DLG2: variants seen among roughly 807,000 people sequenced by gnomAD.
DLG2 encodes the protein disks large homolog 2.
DLG2 carries 45 observed loss-of-function variants against 132.5 expected under a neutral mutation model. That is an observed-to-expected ratio of 0.34 (90% CI 0.27 to 0.44). The LOEUF (loss-of-function observed/expected upper bound fraction) is 0.44. DLG2 is among the 20% of genes least tolerant of loss of function. DLG2 has a pLI of 1.00. For synonymous variants in DLG2, 424 were observed against 419.6 expected (o/e 1.01, Z -0.13); for missense variants, 1,045 against 1,196.9 (o/e 0.87, Z 1.87).
chr11:84,172,449 C>A (rs939120253), intron 8 of DLG2, among the ~76,000 whole-genome samples: 8 of 152,012 alleles, frequency 5.3e-5, no homozygotes, highest in African/African-American at 1.4e-4. Context: ...AACTTCCGAG[C>A]TCAGCGAATG....
At chr11:85,189,921 G>A (rs1162788478) in intron 4 of DLG2, among the ~76,000 whole-genome samples, 1 of 152,004 alleles carries the variant, frequency 6.6e-6, no homozygotes, top group East Asian at 1.9e-4. Context: ...TCAGCTTCCT[G>A]AGTAGCTAGG....
Position 85,138,504 on chromosome 11 carries a change from T to C in DLG2, c.282+16052A>G, listed in dbSNP as rs533554868. On this transcript the variant is annotated intron_variant, in intron 5 of 27. Transcript: ENST00000376104. ...GTCAATATAAATAACCTCAGCAGTA[T>C]TGCTAAATGCCATTCCCATACTCCA... is the stretch of plus-strand genomic sequence containing the variant. Among the ~76,000 whole-genome samples, 5 of 152,306 alleles carry C rather than the reference T, an allele frequency of 3.3e-5. No homozygotes were observed. The South Asian group carries it at 1.0e-3, about 32-fold the overall frequency.
Position 83,462,009 on chromosome 11 carries a change from A to G in DLG2, c.2814T>C (p.Tyr938=). Residue 938 remains tyrosine (Y), a synonymous_variant, in exon 27 of 28, where the codon TAT becomes TAC. Transcript: ENST00000376104. The part of the protein sequence containing the change: ...AIKLEQEFGE[Y]FTAIVQGDTL... ...GGGTAAAAGTGAACTTACCTGTAAAATATTCTCCAAATTCTTGTTCTAGCT... is the reference window on the plus strand; with the variant it reads ...GGGTAAAAGTGAACTTACCTGTAAAGTATTCTCCAAATTCTTGTTCTAGCT... 6.2e-7 allele frequency: 1 copy of G among 1,607,030 alleles called. No individual in the cohort carries two copies. The highest frequency in any genetic ancestry group is 2.2e-5 in the East Asian group (1 of 44,854).
At chr11:85,094,528 T>C (rs910518874) in intron 6 of DLG2, among the ~76,000 whole-genome samples, 1 of 152,238 alleles carries the variant, frequency 6.6e-6, no homozygotes, top group Non-Finnish European at 1.5e-5. Context: ...GTATCCACTC[T>C]TGCTTCTTCA....
intron 7 of DLG2, among the ~76,000 whole-genome samples, chr11:84,528,570 T>C (rs1448109934): frequency 1.3e-5 from 2 of 152,238 alleles, no homozygotes; most frequent in African/African-American, 4.8e-5. Context: ...GCATGCCATA[T>C]GTAAATTCTC....
At chr11:84,033,279 T>C (rs901663705) in intron 11 of DLG2, among the ~76,000 whole-genome samples, 3 of 152,158 alleles carry the variant, frequency 2.0e-5, no homozygotes, top group African/African-American at 7.2e-5. Flanking sequence ...GCGGTCAAAG[T>C]CTCAACAAAA....
intron 7 of DLG2, among the ~76,000 whole-genome samples, chr11:84,418,299 TA>T (rs1458449237): frequency 6.6e-6 from 1 of 152,194 alleles, no homozygotes; most frequent in Admixed American, 6.5e-5. Context: ...TATGAACACA[TA>T]GGGGCTGAAA....
intron 2 of DLG2, among the ~76,000 whole-genome samples, chr11:85,624,553 C>A (rs1034342727): frequency 6.6e-6 from 1 of 152,024 alleles, no homozygotes; most frequent in Non-Finnish European, 1.5e-5. Context: ...CAGAATAAAT[C>A]TAGGTTAAAC....
chr11:84,670,567 T>C (rs2099704671), intron 6 of DLG2, among the ~76,000 whole-genome samples: 3 of 152,280 alleles, frequency 2.0e-5, no homozygotes, highest in South Asian at 4.1e-4. Flanking sequence ...TCTGTGTCTA[T>C]TGCCTCTGGT....
At chr11:84,880,473 G>A (rs2087126778) in intron 6 of DLG2, among the ~76,000 whole-genome samples, 1 of 152,030 alleles carries the variant, frequency 6.6e-6, no homozygotes, top group Non-Finnish European at 1.5e-5. Flanking sequence ...TGGTTGCTTT[G>A]TCCCGAATAT....
intron 6 of DLG2, among the ~76,000 whole-genome samples, chr11:84,857,463 A>G (rs141668279): frequency 1.3e-5 from 2 of 152,162 alleles, no homozygotes; most frequent in Non-Finnish European, 2.9e-5. Flanking sequence ...GTATGTTTCA[A>G]AGGCACAGGA....
At chr11:83,700,065 CA>C (rs1169341862) in intron 18 of DLG2, among the ~76,000 whole-genome samples, 1 of 151,222 alleles carries the variant, frequency 6.6e-6, no homozygotes, top group Non-Finnish European at 1.5e-5. Context: ...AGGAGAGGAA[CA>C]AAAGTTTTCA....
intron 3 of DLG2, among the ~76,000 whole-genome samples, chr11:85,380,497 TA>T (rs2085791958): frequency 6.6e-6 from 1 of 152,148 alleles, no homozygotes; most frequent in African/African-American, 2.4e-5. Context: ...CTGTCTCTAC[TA>T]AAAATACAAA....
intron 7 of DLG2, among the ~76,000 whole-genome samples, chr11:84,470,147 ATGT>A (rs1435679718): frequency 1.3e-5 from 2 of 151,792 alleles, no homozygotes; most frequent in African/African-American, 4.8e-5. Flanking sequence ...GTTGACTGAA[ATGT>A]TGTTATGTGG....
chr11:84,025,263 C>G (rs2095507874), intron 11 of DLG2, among the ~76,000 whole-genome samples: 1 of 152,082 alleles, frequency 6.6e-6, no homozygotes, highest in African/African-American at 2.4e-5. Flanking sequence ...CAAGTCACAT[C>G]TTATGTGGAT....
chr11:84,866,329 C>A (rs1348482003), intron 6 of DLG2, among the ~76,000 whole-genome samples: 1 of 152,132 alleles, frequency 6.6e-6, no homozygotes, highest in Non-Finnish European at 1.5e-5. Flanking sequence ...ACCCACAAAC[C>A]CATGTGAGGA....
intron 7 of DLG2, among the ~76,000 whole-genome samples, chr11:84,411,370 G>C (rs2098902039): frequency 6.6e-6 from 1 of 152,164 alleles, no homozygotes; most frequent in Non-Finnish European, 1.5e-5. Flanking sequence ...TAACAAGGTA[G>C]GCAGGTGCCT....
At chr11:85,469,663 G>C (rs1261776057) in intron 3 of DLG2, 1 of 152,184 alleles carries the variant, frequency 6.6e-6, no homozygotes, top group Non-Finnish European at 1.5e-5. Flanking sequence ...TCGCATACAA[G>C]GTTTGTAGTT....
chr11:83,976,103 T>C (rs1592186379), intron 12 of DLG2, among the ~76,000 whole-genome samples: 1 of 151,988 alleles, frequency 6.6e-6, no homozygotes, highest in East Asian at 1.9e-4. Context: ...ATGATTCAGG[T>C]GGTGCCCAAC....
Sources: allele counts gnomAD v4.1 joint callset (sites outside exome capture counted in the v4.1 genomes callset), GRCh38; gene constraint gnomAD v4.1.1; transcripts MANE v1.5; gene names NCBI Gene and HGNC (gene_info 2026-07-23, HGNC 2026-07-21).